Variants in TAGLN3 observed in about 807,000 individuals in gnomAD.
The protein encoded by TAGLN3 is transgelin-3.
In TAGLN3, 12 loss-of-function variants were observed where a neutral mutation model predicts 25.4. That is an observed-to-expected ratio of 0.47 (90% CI 0.30 to 0.77). The LOEUF is 0.77. Ranked by LOEUF, TAGLN3 falls within the 30% of genes least tolerant of loss-of-function variation. TAGLN3 has a pLI of 0.06. For synonymous variants in TAGLN3, 96 were observed against 94.8 expected (o/e 1.01, Z -0.08); for missense variants, 218 against 255.8 (o/e 0.85, Z 1.01).
At chr3:112,012,103 T>A (rs2107725817) in intron 4 of TAGLN3, among the ~76,000 whole-genome samples, 1 of 152,280 alleles carries the variant, frequency 6.6e-6, no homozygotes, top group South Asian at 2.1e-4. Flanking sequence ...CCACCCAGGT[T>A]CTGTTTCTCC....
chr3:112,008,940 C>T lies in TAGLN3; in HGVS notation c.356-2823C>T, dbSNP rs555363084. ...GTGTACAGGAAGTGTGGTGCTGGCACCTGCTTCTGGCAAGGGCCTCAAGAA... is the reference window on the plus strand; with the variant it reads ...GTGTACAGGAAGTGTGGTGCTGGCATCTGCTTCTGGCAAGGGCCTCAAGAA... On this transcript the variant is annotated intron_variant, in intron 3 of 4. Coordinates refer to ENST00000478951, the MANE Select transcript of TAGLN3 (RefSeq NM_001008272.2). 1.3e-4 allele frequency among the ~76,000 whole-genome samples: 20 copies of T among 152,264 alleles called. No individual in the cohort carries two copies. The South Asian group carries it at 1.9e-3, about 14-fold the overall frequency.
intron 3 of TAGLN3, among the ~76,000 whole-genome samples, chr3:112,008,463 A>G (rs958638535): frequency 1.2e-4 from 18 of 152,090 alleles, no homozygotes; most frequent in Non-Finnish European, 2.2e-4. Flanking sequence ...TACCGTTGTG[A>G]GCCACTGTGC....
At chr3:112,011,691 G>A in intron 3 of TAGLN3, 72 bp from the exon 4 acceptor site, 5 of 1,408,364 alleles carry the variant, frequency 3.6e-6, no homozygotes, top group Non-Finnish European at 4.9e-6. Flanking sequence ...CCTCCTGGGT[G>A]TCCAGCCGTA....
intron 4 of TAGLN3, among the ~76,000 whole-genome samples, chr3:112,013,038 G>A (rs2072996162): frequency 6.6e-6 from 1 of 152,164 alleles, no homozygotes; most frequent in Non-Finnish European, 1.5e-5. Context: ...AGAAGGGAGA[G>A]TGGGGAGAAA....
intron 3 of TAGLN3, among the ~76,000 whole-genome samples, chr3:112,009,114 A>G (rs1235477551): frequency 6.6e-6 from 1 of 152,202 alleles, no homozygotes; most frequent in African/African-American, 2.4e-5. Flanking sequence ...CCATGAGGTC[A>G]GCACCAAGCC....
At position 112,004,221 on chromosome 3, in the gene TAGLN3, G is replaced by A. The variant is rs568694255; in HGVS notation, c.355+3275G>A. The stretch of plus-strand genomic sequence containing the variant: ...TCTCTTGGAAAACAGAAGGTGAATG[G>A]CCTGGCAGATTACTTTTGGATTTGC... On this transcript the variant is annotated intron_variant, in intron 3 of 4. Coordinates refer to ENST00000478951, the MANE Select transcript of TAGLN3 (RefSeq NM_001008272.2). Among the ~76,000 whole-genome samples, 46 of 152,334 alleles carry A rather than the reference G, an allele frequency of 3.0e-4. 2 individuals are homozygous for A. In the South Asian group the frequency reaches 9.4e-3, roughly 31 times the overall value.
chr3:111,999,243 G>T (rs1021496335), intron 1 of TAGLN3, 129 bp downstream of exon 1: 6 of 632,190 alleles, frequency 9.5e-6, no homozygotes, highest in Non-Finnish European at 1.6e-5. Flanking sequence ...TTTCCCGTTT[G>T]TAGGTGAAAC....
At chr3:112,001,619 T>A (rs2072862389) in intron 3 of TAGLN3, among the ~76,000 whole-genome samples, 1 of 152,232 alleles carries the variant, frequency 6.6e-6, no homozygotes, top group Admixed American at 6.5e-5. Context: ...GTCGTTAATG[T>A]CCCCTTTAGC....
chr3:111,999,537 G>T lies in TAGLN3; in HGVS notation c.115G>T (p.Ala39Ser). The part of the protein sequence containing the change: ...KLVDWIILQC[A>S]EDIEHPPPGR... Reference sequence around the variant, plus strand: ...GGTGGACTGGATCATCCTGCAGTGCGCCGAGGACATAGAGCACCCGCCCCC... The same window carrying T: ...GGTGGACTGGATCATCCTGCAGTGCTCCGAGGACATAGAGCACCCGCCCCC... Residue 39 changes from alanine (A) to serine (S), a missense_variant, in exon 2 of 5, where the codon GCC becomes TCC. Transcript: ENST00000478951. 6.2e-7 allele frequency: 1 copy of T among 1,614,186 alleles called. No individual in the cohort carries two copies. Among genetic ancestry groups the T allele is most frequent in the East Asian group, 2.2e-5 (1 of 44,890 alleles).
intron 4 of TAGLN3, 131 bp downstream of exon 4, chr3:112,011,996 G>T: frequency 1.3e-6 from 1 of 748,100 alleles, no homozygotes. Flanking sequence ...CCACAACTGA[G>T]TTCCCCAAAG....
chr3:112,010,336 A>G lies in TAGLN3; in HGVS notation c.356-1427A>G, dbSNP rs1300992448. Among the ~76,000 whole-genome samples the G allele has an allele frequency of 3.3e-5, 5 of 152,154 alleles. No homozygotes were observed. The East Asian group carries it at 5.8e-4, about 18-fold the overall frequency. ...TGTAAACAGTAGAGATGAGTGATAT[A>G]CCCTAACCTAAGCCTTCCTTTGCTC... On this transcript the variant is annotated intron_variant, in intron 3 of 4. Transcript: ENST00000478951.
intron 3 of TAGLN3, among the ~76,000 whole-genome samples, chr3:112,002,652 C>A (rs901539617): frequency 4.6e-5 from 7 of 151,016 alleles, no homozygotes; most frequent in South Asian, 2.1e-4. Context: ...GTCCCCCCCC[C>A]ACCCCACAAA....
chr3:112,009,294 G>C (rs2072951060), intron 3 of TAGLN3, among the ~76,000 whole-genome samples: 1 of 152,174 alleles, frequency 6.6e-6, no homozygotes, highest in Non-Finnish European at 1.5e-5. Context: ...TTTCAGTCTT[G>C]TTTGGATGAA....
In TAGLN3 at chr3:112,005,696, TTTTTTC is replaced by T. The variant is rs1298782916; in HGVS notation, c.355+4756_355+4761del. On this transcript the variant is annotated intron_variant, in intron 3 of 4. Coordinates refer to ENST00000478951, the MANE Select transcript of TAGLN3 (RefSeq NM_001008272.2). ...CTGCTGCTCGAAGCCTAATTTTCTT[TTTTTTC>T]TTTTTTTTTTTTTTTGAGATGGAGT... Among the ~76,000 whole-genome samples, 163 of 30,014 alleles carry T rather than the reference TTTTTTC, an allele frequency of 5.4e-3. 13 individuals carry two copies. The highest frequency in any genetic ancestry group is 7.3e-3 in the African/African-American group (102 of 13,968). The allele number at this position is 30,014 out of a possible 152,430, so 19.7% of individuals were successfully genotyped here.
At chr3:112,012,288 C>T (rs1346626556) in intron 4 of TAGLN3, among the ~76,000 whole-genome samples, 1 of 127,682 alleles carries the variant, frequency 7.8e-6, no homozygotes, top group Non-Finnish European at 1.7e-5. Context: ...CCTTCCCTCC[C>T]TCCCTCCCTC....
chr3:112,008,236 A>G (rs774335581), intron 3 of TAGLN3, among the ~76,000 whole-genome samples: 1 of 152,168 alleles, frequency 6.6e-6, no homozygotes, highest in East Asian at 1.9e-4. Context: ...CACAATTTTG[A>G]AGGCTTTGTC....
chr3:112,004,288 T>C (rs1171393941), intron 3 of TAGLN3, among the ~76,000 whole-genome samples: 3 of 152,204 alleles, frequency 2.0e-5, no homozygotes, highest in East Asian at 1.9e-4. Flanking sequence ...CCATCTCAGC[T>C]GTCTATGATT....
At chr3:112,008,558 C>A (rs929483164) in intron 3 of TAGLN3, among the ~76,000 whole-genome samples, 9 of 152,098 alleles carry the variant, frequency 5.9e-5, no homozygotes, top group South Asian at 2.1e-4. Context: ...ATTTTTGACC[C>A]CCAGTTGCAG....
chr3:112,002,034 C>T (rs2072866258), intron 3 of TAGLN3, among the ~76,000 whole-genome samples: 1 of 152,196 alleles, frequency 6.6e-6, no homozygotes, highest in Non-Finnish European at 1.5e-5. Flanking sequence ...TCCTACGATG[C>T]TAATAAGTTT....
Sources: allele counts gnomAD v4.1 joint callset (sites outside exome capture counted in the v4.1 genomes callset), GRCh38; gene constraint gnomAD v4.1.1; transcripts MANE v1.5; gene names NCBI Gene and HGNC (gene_info 2026-07-23, HGNC 2026-07-21).